The following UGDH variants were observed in gnomAD, a reference collection of about 807,000 sequenced individuals.
The protein encoded by UGDH is UDP-glucose 6-dehydrogenase.
UGDH carries 38 observed loss-of-function variants against 50.6 expected under a neutral mutation model. The observed-to-expected ratio is 0.75, with a 90% CI of 0.58 to 0.98. The LOEUF (loss-of-function observed/expected upper bound fraction) is 0.98. Ranked by LOEUF, UGDH falls within the 50% of genes least tolerant of loss-of-function variation. UGDH has a pLI of 0.00. For missense variants in UGDH, 465 were observed against 606.2 expected, an observed-to-expected ratio of 0.77 and a Z score of 2.45; for synonymous variants, 168 against 199.9, an observed-to-expected ratio of 0.84 and a Z score of 1.35.
At chr4:39,508,701 C>T (rs754570374) in intron 6 of UGDH, 41 bp from the exon 7 acceptor site, 55 of 1,536,876 alleles carry the variant, frequency 3.6e-5, no homozygotes, top group South Asian at 6.0e-5. Context: ...CATGTAAGAA[C>T]GAGAAAACTC....
intron 3 of UGDH, 147 bp from the exon 4 acceptor site, chr4:39,511,008 T>A: frequency 5.7e-6 from 4 of 707,732 alleles, no homozygotes; most frequent in Non-Finnish European, 9.2e-6. Flanking sequence ...ATAATACATT[T>A]TATAAATATA....
intron 3 of UGDH, among the ~76,000 whole-genome samples, chr4:39,513,082 A>G (rs1232490476): frequency 6.6e-6 from 1 of 152,188 alleles, no homozygotes; most frequent in Non-Finnish European, 1.5e-5. Context: ...TGCTGGGATT[A>G]CAAGCATGAG....
At chr4:39,513,975 C>A (rs1746347494) in intron 3 of UGDH, 108 bp downstream of exon 3, 2 of 914,660 alleles carry the variant, frequency 2.2e-6, no homozygotes, top group Non-Finnish European at 3.3e-6. Flanking sequence ...CAACTCTATA[C>A]TAAGCAATGT....
At chr4:39,518,348 T>C (rs978141750) in intron 2 of UGDH, among the ~76,000 whole-genome samples, 2 of 151,218 alleles carry the variant, frequency 1.3e-5, no homozygotes, top group African/African-American at 4.9e-5. Context: ...AGACTAATAG[T>C]TTTTTTTTAT....
At chr4:39,525,205 T>A (rs2109952053) in intron 1 of UGDH, among the ~76,000 whole-genome samples, 1 of 152,360 alleles carries the variant, frequency 6.6e-6, no homozygotes, top group Non-Finnish European at 1.5e-5. Context: ...CTATTTCTTT[T>A]TTCTTTTTGA....
At chr4:39,526,885 G>A (rs1746919653) in intron 1 of UGDH, among the ~76,000 whole-genome samples, 2 of 152,164 alleles carry the variant, frequency 1.3e-5, no homozygotes, top group African/African-American at 4.8e-5. Context: ...CCTCAGGTGA[G>A]CAGACTCTTA....
chr4:39,509,140 A>C (rs914144793), intron 6 of UGDH, among the ~76,000 whole-genome samples: 22 of 149,422 alleles, frequency 1.5e-4, no homozygotes, highest in African/African-American at 4.7e-4. Context: ...ATGCCTGACT[A>C]ATTTTTTGTC....
intron 2 of UGDH, among the ~76,000 whole-genome samples, chr4:39,516,173 A>G (rs984672004): frequency 6.6e-6 from 1 of 152,142 alleles, no homozygotes; most frequent in Non-Finnish European, 1.5e-5. Context: ...AGTCCCAACT[A>G]TTCAGGAGGC....
intron 3 of UGDH, 143 bp from the exon 4 acceptor site, chr4:39,511,004 C>A (rs990033563): frequency 1.4e-6 from 1 of 711,204 alleles, no homozygotes; most frequent in Non-Finnish European, 2.3e-6. Context: ...AGAAATAATA[C>A]ATTTTATAAA....
rs754134653 is a variant in UGDH at position 39,511,553 on chromosome 4, G to A, written c.265-692C>T. 3.2e-4 allele frequency among the ~76,000 whole-genome samples: 49 copies of A among 151,878 alleles called. 1 individual carries two copies. Among genetic ancestry groups the A allele is most frequent in the Admixed American group, 2.4e-3 (36 of 15,234 alleles). ...GCTGGGATTACAGGCGTGAGCCACCGCACCTGGCCTCCTTTCTTATTCCCC... is the reference window on the plus strand; with the variant it reads ...GCTGGGATTACAGGCGTGAGCCACCACACCTGGCCTCCTTTCTTATTCCCC... On this transcript the variant is annotated intron_variant, in intron 3 of 11. Coordinates refer to ENST00000316423, the MANE Select transcript of UGDH (RefSeq NM_003359.4).
intron 11 of UGDH, among the ~76,000 whole-genome samples, chr4:39,501,978 T>G (rs1745835587): frequency 6.6e-6 from 1 of 152,238 alleles, no homozygotes; most frequent in African/African-American, 2.4e-5. Context: ...AGAAAGGGCT[T>G]CTGCTTTATA....
chr4:39,502,982 T>C (rs1204403756), intron 11 of UGDH, among the ~76,000 whole-genome samples: 1 of 152,184 alleles, frequency 6.6e-6, no homozygotes, highest in Admixed American at 6.5e-5. Flanking sequence ...AGTGGTGTGA[T>C]CTTGGCTCAC....
intron 2 of UGDH, among the ~76,000 whole-genome samples, chr4:39,520,837 G>A (rs1746623342): frequency 6.6e-6 from 1 of 151,804 alleles, no homozygotes. Context: ...ACTTTGGGAG[G>A]CCGGGGCGGG....
chr4:39,509,167 C>T (rs1746136372), intron 6 of UGDH, among the ~76,000 whole-genome samples: 1 of 150,252 alleles, frequency 6.7e-6, no homozygotes, highest in Admixed American at 6.7e-5. Flanking sequence ...TTTTGCAGAG[C>T]TGGGGCTTCA....
intron 2 of UGDH, 67 bp downstream of exon 2, chr4:39,521,284 A>G: frequency 7.1e-7 from 1 of 1,402,458 alleles, no homozygotes; most frequent in East Asian, 2.5e-5. Context: ...TTAATAGTGC[A>G]TATAAATGAT....
At chr4:39,513,111 A>G (rs1030699459) in intron 3 of UGDH, among the ~76,000 whole-genome samples, 2 of 152,126 alleles carry the variant, frequency 1.3e-5, no homozygotes, top group African/African-American at 4.8e-5. Context: ...CCCAGCTCGT[A>G]AAGATCTTAA....
At chr4:39,505,513 T>G in intron 8 of UGDH, 105 bp downstream of exon 8, 2 of 1,122,222 alleles carry the variant, frequency 1.8e-6, no homozygotes, top group Non-Finnish European at 2.3e-6. Context: ...TTCTTTATAT[T>G]TTATATATAT....
At chr4:39,514,794 T>C (rs1746382528) in intron 2 of UGDH, among the ~76,000 whole-genome samples, 1 of 151,602 alleles carries the variant, frequency 6.6e-6, no homozygotes, top group Non-Finnish European at 1.5e-5. Context: ...GCAGTTCTCC[T>C]GCCTCAGCCT....
In UGDH at chr4:39,500,116, A is replaced by G; in HGVS notation, c.*27T>C. The G allele has an allele frequency of 6.9e-7, 1 of 1,449,978 alleles. No homozygotes were observed. Among genetic ancestry groups the G allele is most frequent in the Non-Finnish European group, 9.4e-7 (1 of 1,061,826 alleles). The allele number at this position is 1,449,978 out of a possible 1,614,324, so 89.8% of individuals were successfully genotyped here. ...TCCTGAAGTACCAAAAAAAAAAAAA[A>G]AAAATCACAAATAAAAATGGCAATC... On this transcript the variant is annotated 3_prime_UTR_variant, in exon 12 of 12. Transcript: ENST00000316423.
Sources: allele counts gnomAD v4.1 joint callset (sites outside exome capture counted in the v4.1 genomes callset), GRCh38; gene constraint gnomAD v4.1.1; transcripts MANE v1.5; gene names NCBI Gene and HGNC (gene_info 2026-07-23, HGNC 2026-07-21).